The following FRY variants were observed in gnomAD, a reference collection of about 807,000 sequenced individuals.
The protein encoded by FRY is protein furry homolog.
A neutral mutation model predicts 348.4 loss-of-function variants in FRY; 128 were observed. The observed-to-expected ratio is 0.37, with a 90% CI of 0.32 to 0.43. FRY has a LOEUF of 0.43. Among genes scored for constraint, FRY ranks in the 20% least tolerant of loss-of-function variants. The pLI, the probability that FRY is intolerant of heterozygous loss-of-function variation, is 1.00. For missense variants in FRY, 2,736 were observed against 3,695.2 expected (o/e 0.74, Z 6.73); for synonymous variants, 1,370 against 1,374.7 (o/e 1.00, Z 0.08).
chr13:32,247,367 T>C lies in FRY; in HGVS notation c.6873T>C (p.Val2291=). Residue 2291 remains valine, a synonymous_variant, in exon 48 of 61, where the codon GTT becomes GTC. Transcript: ENST00000542859. ...CTCTGAATATCTTGAAGCTGGTAGTTTCTCGGTCAGCCAGCCTTGTTTTAC... is the reference window on the plus strand; with the variant it reads ...CTCTGAATATCTTGAAGCTGGTAGTCTCTCGGTCAGCCAGCCTTGTTTTAC... The part of the protein sequence containing the change: ...REALNILKLV[V]SRSASLVLPS... 6.2e-7 allele frequency: 1 copy of C among 1,613,812 alleles called. No homozygotes were observed. Among genetic ancestry groups the C allele is most frequent in the Non-Finnish European group, 8.5e-7 (1 of 1,179,706 alleles).
intron 22 of FRY, 55 bp downstream of exon 22, chr13:32,179,088 T>C: frequency 1.4e-6 from 2 of 1,415,176 alleles, no homozygotes; most frequent in Non-Finnish European, 2.0e-6. Flanking sequence ...TTAGCTTGTT[T>C]GTCTAGAGTT....
chr13:32,063,481 T>C (rs1360431080), intron 1 of FRY, among the ~76,000 whole-genome samples: 1 of 152,164 alleles, frequency 6.6e-6, no homozygotes, highest in Non-Finnish European at 1.5e-5. Flanking sequence ...ACACTTTGCA[T>C]TGTGACCCAG....
intron 50 of FRY, among the ~76,000 whole-genome samples, chr13:32,252,887 C>T (rs1309619168): frequency 3.3e-5 from 5 of 151,904 alleles, no homozygotes; most frequent in African/African-American, 4.8e-5. Context: ...GGGTTTTCTG[C>T]GGCTCCTGTG....
At position 32,135,001 on chromosome 13, in the gene FRY, G is replaced by C; in HGVS notation, c.978+5G>C. ...ATACTTGTTCCAGTTGCTGCTGTGA[G>C]TTTCATTTCTAAAAACTCCTTCAAA... is the stretch of plus-strand genomic sequence containing the variant. On this transcript the variant is annotated splice_donor_5th_base_variant and intron_variant, in intron 9 of 60. Transcript: ENST00000542859. The C allele has an allele frequency of 6.2e-7, 1 of 1,603,094 alleles. No homozygotes were observed. The highest frequency in any genetic ancestry group is 8.5e-7 in the Non-Finnish European group (1 of 1,169,936).
intron 43 of FRY, 47 bp downstream of exon 43, chr13:32,236,219 G>A (rs1271488061): frequency 2.3e-6 from 3 of 1,278,190 alleles, no homozygotes; most frequent in Middle Eastern, 1.8e-4. Flanking sequence ...TACTGCACAG[G>A]AGTATTTGGG....
intron 2 of FRY, among the ~76,000 whole-genome samples, chr13:32,084,010 G>A (rs367944192): frequency 2.0e-5 from 3 of 151,954 alleles, no homozygotes; most frequent in African/African-American, 4.8e-5. Context: ...TTCCTTTCTT[G>A]TGAACTCATT....
chr13:32,096,327 A>G (rs1566068248), intron 2 of FRY, among the ~76,000 whole-genome samples: 2 of 149,258 alleles, frequency 1.3e-5, no homozygotes, highest in African/African-American at 5.1e-5. Context: ...ACTGTGTACT[A>G]GGGGTATGGA....
rs1882999496 is a variant in FRY at position 32,185,922 on chromosome 13, G to A, written c.3320-338G>A. Among the ~76,000 whole-genome samples the A allele has an allele frequency of 2.0e-5, 3 of 152,174 alleles. No homozygotes were observed. The South Asian group carries it at 6.2e-4, about 32-fold the overall frequency. ...CTATTTCCGAGTTCTCTTAAAGATG[G>A]GCAGCAGTCAAAAAACATTTAATAT... is the stretch of plus-strand genomic sequence containing the variant. On this transcript the variant is annotated intron_variant, in intron 26 of 60. Coordinates refer to ENST00000542859, the MANE Select transcript of FRY (RefSeq NM_023037.3).
At chr13:32,293,989 T>C (rs1875580948) in intron 59 of FRY, among the ~76,000 whole-genome samples, 2 of 152,224 alleles carry the variant, frequency 1.3e-5, no homozygotes, top group South Asian at 4.1e-4. Context: ...TAAAAGTCAG[T>C]TAACTTGTCC....
chr13:32,151,089 C>T (rs1193897775), intron 14 of FRY, among the ~76,000 whole-genome samples: 1 of 152,190 alleles, frequency 6.6e-6, no homozygotes, highest in Non-Finnish European at 1.5e-5. Flanking sequence ...GTTCTCAAGA[C>T]ATTATTCATT....
chr13:32,207,157 G>A (rs998604228), intron 31 of FRY, among the ~76,000 whole-genome samples: 2 of 152,146 alleles, frequency 1.3e-5, no homozygotes, highest in African/African-American at 2.4e-5. Context: ...TAATGCATAA[G>A]TCTTTGCTCC....
intron 31 of FRY, among the ~76,000 whole-genome samples, chr13:32,206,226 A>G (rs74451838): frequency 0.051 from 7,708 of 152,060 alleles, 218 homozygotes; most frequent in East Asian, 0.075. Context: ...GGGCCTGGAC[A>G]CCCCCACTTT....
Position 32,104,258 on chromosome 13 carries a change from G to T in FRY, c.324+2242G>T, listed in dbSNP as rs1418024652. ...GACCTTTGGAATTAGACAAACCTGGGTTTAAATCCCACCTTTGTCACTTAA... is the reference window on the plus strand; with the variant it reads ...GACCTTTGGAATTAGACAAACCTGGTTTTAAATCCCACCTTTGTCACTTAA... On this transcript the variant is annotated intron_variant, in intron 3 of 60. Coordinates refer to ENST00000542859, the MANE Select transcript of FRY (RefSeq NM_023037.3). Among the ~76,000 whole-genome samples the T allele has an allele frequency of 3.9e-5, 6 of 152,166 alleles. No homozygotes were observed. In the East Asian group the frequency reaches 1.2e-3, roughly 29 times the overall value.
intron 26 of FRY, among the ~76,000 whole-genome samples, chr13:32,185,675 T>TAAA (rs1882986668): frequency 6.6e-6 from 1 of 152,184 alleles, no homozygotes; most frequent in Non-Finnish European, 1.5e-5. Context: ...ACATAGAAAA[T>TAAA]AAAATATCTG....
intron 55 of FRY, 121 bp downstream of exon 55, chr13:32,267,480 C>T: frequency 1.2e-6 from 1 of 852,208 alleles, no homozygotes; most frequent in Admixed American, 2.0e-5. Context: ...CTCCTCCAGA[C>T]ACCCCTAAAT....
At chr13:32,089,982 T>A (rs1268029650) in intron 2 of FRY, among the ~76,000 whole-genome samples, 1 of 151,864 alleles carries the variant, frequency 6.6e-6, no homozygotes, top group African/African-American at 2.4e-5. Flanking sequence ...TGAAGACATT[T>A]TGAATAGGAG....
At chr13:32,228,998 G>A (rs550943519) in intron 40 of FRY, among the ~76,000 whole-genome samples, 252 of 152,294 alleles carry the variant, frequency 1.7e-3, no homozygotes, top group African/African-American at 5.9e-3. Flanking sequence ...CCAGGGGTTA[G>A]TAGTTCTGAG....
rs181993958 is a variant in FRY at position 32,179,063 on chromosome 13, C to T, written c.2871+30C>T. ...CATGACATGCTTCAGAAGAATTATTCTGTAAGGTTTTTTTTTAGCTTGTTT... is the reference window on the plus strand; with the variant it reads ...CATGACATGCTTCAGAAGAATTATTTTGTAAGGTTTTTTTTTAGCTTGTTT... On this transcript the variant is annotated intron_variant, in intron 22 of 60. Transcript: ENST00000542859. 951 of 1,574,954 alleles carry T rather than the reference C, an allele frequency of 6.0e-4. 3 individuals carry two copies. Among genetic ancestry groups the T allele is most frequent in the Admixed American group, 1.2e-3 (73 of 59,586 alleles).
At chr13:32,292,621 G>A (rs780924303) in intron 59 of FRY, among the ~76,000 whole-genome samples, 3 of 151,570 alleles carry the variant, frequency 2.0e-5, no homozygotes, top group Admixed American at 6.6e-5. Context: ...GTGAAACCCT[G>A]CCTCTACTAA....
Sources: allele counts gnomAD v4.1 joint callset (sites outside exome capture counted in the v4.1 genomes callset), GRCh38; gene constraint gnomAD v4.1.1; transcripts MANE v1.5; gene names NCBI Gene and HGNC (gene_info 2026-07-23, HGNC 2026-07-21).